The following WDFY3 variants were observed in gnomAD, a reference collection of about 807,000 sequenced individuals.
WDFY3 encodes WD repeat and FYVE domain containing 3.
In WDFY3, 66 loss-of-function variants were observed where a neutral mutation model predicts 409.6. That is an observed-to-expected ratio of 0.16 (90% CI 0.13 to 0.20). WDFY3 has a LOEUF of 0.20. Ranked by LOEUF, WDFY3 falls within the 10% of genes least tolerant of loss-of-function variation. WDFY3 has a pLI of 1.00. For synonymous variants in WDFY3, 1,521 were observed against 1,537.1 expected, an observed-to-expected ratio of 0.99 and a Z score of 0.25; for missense variants, 3,031 against 4,298.1, an observed-to-expected ratio of 0.71 and a Z score of 8.24.
Position 84,740,244 on chromosome 4 carries a change from T to C in WDFY3, c.6407A>G (p.His2136Arg). ...CAGACAGCTAATGAATTCTTGGTCATGGTTCCCAGGTCCCAGGATCAAGTT... is the reference window on the plus strand; with the variant it reads ...CAGACAGCTAATGAATTCTTGGTCACGGTTCCCAGGTCCCAGGATCAAGTT... ...NRNLILGPGN[H>R]DQEFISCLAH... The change falls in exon 39 of 68, where the codon CAT becomes CGT. Residue 2136 changes from histidine to arginine, a missense_variant. Physicochemically the swap from His to Arg is conservative, Grantham distance 29 (BLOSUM62 0). Around this residue, in one of 16 missense-constraint regions of WDFY3, gnomAD observed 314 missense variants for 397.4 expected, o/e 0.79. Coordinates refer to ENST00000295888, the MANE Select transcript of WDFY3 (RefSeq NM_014991.6). The C allele has an allele frequency of 6.2e-7, 1 of 1,614,128 alleles. No homozygotes were observed. Among genetic ancestry groups the C allele is most frequent in the Non-Finnish European group, 8.5e-7 (1 of 1,180,018 alleles).
At chr4:84,851,671 G>C (rs952000291) in intron 4 of WDFY3, among the ~76,000 whole-genome samples, 2 of 152,072 alleles carry the variant, frequency 1.3e-5, no homozygotes, top group African/African-American at 4.8e-5. Context: ...ATACAGAAGA[G>C]AAAACCTGAT....
intron 36 of WDFY3, among the ~76,000 whole-genome samples, chr4:84,744,925 T>A (rs1194482712): frequency 6.7e-6 from 1 of 149,512 alleles, no homozygotes; most frequent in Non-Finnish European, 1.5e-5. Context: ...CAAAGACATA[T>A]GTTTTCCTAA....
At chr4:84,866,320 A>G (rs1457355244) in intron 3 of WDFY3, among the ~76,000 whole-genome samples, 1 of 152,218 alleles carries the variant, frequency 6.6e-6, no homozygotes, top group Non-Finnish European at 1.5e-5. Context: ...GTTAAACACC[A>G]AGGTCTGGGG....
intron 36 of WDFY3, among the ~76,000 whole-genome samples, chr4:84,750,264 A>G (rs1387766362): frequency 1.3e-5 from 2 of 152,136 alleles, no homozygotes; most frequent in African/African-American, 4.8e-5. Context: ...ATTCTACCAC[A>G]TGCATTAGTG....
At chr4:84,885,876 ACT>A (rs1764156562) in intron 3 of WDFY3, among the ~76,000 whole-genome samples, 1 of 152,140 alleles carries the variant, frequency 6.6e-6, no homozygotes, top group African/African-American at 2.4e-5. Flanking sequence ...CTACATCTAC[ACT>A]CTGAAGAAAT....
intron 4 of WDFY3, among the ~76,000 whole-genome samples, chr4:84,854,255 G>T (rs1759440256): frequency 6.6e-6 from 1 of 152,040 alleles, no homozygotes; most frequent in African/African-American, 2.4e-5. Flanking sequence ...TTGATTCTGG[G>T]GTGTACAGGA....
chr4:84,737,137 A>C lies in WDFY3; in HGVS notation c.6757+47T>G, dbSNP rs376369610. 9.3e-6 allele frequency: 15 copies of C among 1,606,898 alleles called. No homozygotes were observed. The African/African-American group carries it at 1.7e-4, about 19-fold the overall frequency. ...CATATTTAAAGTATACCCATATATG[A>C]TAGCCACATGTAAATCTCCTGGTGG... On this transcript the variant is annotated intron_variant, in intron 41 of 67. Coordinates refer to ENST00000295888, the MANE Select transcript of WDFY3 (RefSeq NM_014991.6).
chr4:84,771,124 AT>A (rs1166495575), intron 30 of WDFY3, among the ~76,000 whole-genome samples: 4 of 151,956 alleles, frequency 2.6e-5, no homozygotes, highest in African/African-American at 9.7e-5. Flanking sequence ...CCAGATAAAT[AT>A]TTTTCCCACC....
At chr4:84,729,614 CT>C (rs1256920188) in intron 44 of WDFY3, among the ~76,000 whole-genome samples, 2 of 151,376 alleles carry the variant, frequency 1.3e-5, no homozygotes, top group African/African-American at 4.9e-5. Flanking sequence ...AAATTCAAAA[CT>C]TAGACTAGGT....
intron 32 of WDFY3, among the ~76,000 whole-genome samples, chr4:84,761,865 C>T (rs1156429950): frequency 6.6e-6 from 1 of 152,208 alleles, no homozygotes; most frequent in African/African-American, 2.4e-5. Flanking sequence ...TGAAAAAATG[C>T]TCACCATCAC....
At chr4:84,824,274 A>C (rs1345896148) in intron 10 of WDFY3, among the ~76,000 whole-genome samples, 1 of 152,202 alleles carries the variant, frequency 6.6e-6, no homozygotes, top group Non-Finnish European at 1.5e-5. Flanking sequence ...ACACATTTAC[A>C]TAACTTTTAT....
intron 2 of WDFY3, among the ~76,000 whole-genome samples, chr4:84,899,144 C>G (rs1428777462): frequency 6.6e-6 from 1 of 152,110 alleles, no homozygotes; most frequent in African/African-American, 2.4e-5. Flanking sequence ...TAATACATAC[C>G]TTTTTAAAAA....
intron 1 of WDFY3, among the ~76,000 whole-genome samples, chr4:84,957,025 A>G (rs1404444189): frequency 2.0e-5 from 3 of 151,922 alleles, no homozygotes; most frequent in African/African-American, 7.2e-5. Context: ...AGGCCTAAGA[A>G]AATCATTAAT....
intron 10 of WDFY3, 54 bp downstream of exon 10, chr4:84,826,761 T>C: frequency 6.7e-7 from 1 of 1,501,696 alleles, no homozygotes; most frequent in Middle Eastern, 1.8e-4. Context: ...ATAAGACAAA[T>C]TCATTCTTTC....
At chr4:84,820,698 C>T (rs777806763) in intron 11 of WDFY3, among the ~76,000 whole-genome samples, 55 of 152,032 alleles carry the variant, frequency 3.6e-4, no homozygotes, top group Non-Finnish European at 7.7e-4. Context: ...ACAATAAAAA[C>T]ACATTGAAGT....
At chr4:84,822,385 A>G (rs1355061572) in intron 10 of WDFY3, among the ~76,000 whole-genome samples, 2 of 152,172 alleles carry the variant, frequency 1.3e-5, no homozygotes, top group African/African-American at 4.8e-5. Context: ...CCAGAGAACT[A>G]CCAAAATTAG....
intron 1 of WDFY3, among the ~76,000 whole-genome samples, chr4:84,953,976 T>C (rs2151142024): frequency 6.6e-6 from 1 of 152,260 alleles, no homozygotes; most frequent in East Asian, 1.9e-4. Flanking sequence ...ACTCATCAAA[T>C]ACCATTCAAT....
chr4:84,696,624 G>T, intron 57 of WDFY3, 108 bp downstream of exon 57: 1 of 1,081,814 alleles, frequency 9.2e-7, no homozygotes, highest in Non-Finnish European at 1.4e-6. Flanking sequence ...AGGGGACCTG[G>T]CTGTATTAGT....
chr4:84,850,274 G>C (rs574380298), intron 4 of WDFY3, among the ~76,000 whole-genome samples: 7 of 152,060 alleles, frequency 4.6e-5, no homozygotes, highest in Non-Finnish European at 8.8e-5. Flanking sequence ...AGACATTATT[G>C]ATAAAATTTG....
Sources: allele counts gnomAD v4.1 joint callset (sites outside exome capture counted in the v4.1 genomes callset), GRCh38; gene constraint gnomAD v4.1.1; regional missense constraint gnomAD v4.1.1; transcripts MANE v1.5; gene names NCBI Gene and HGNC (gene_info 2026-07-23, HGNC 2026-07-21).